The following RNF213 variants were observed in gnomAD, a reference collection of about 807,000 sequenced individuals.
RNF213 encodes E3 ubiquitin-protein ligase RNF213.
Under a neutral mutation model 514.4 loss-of-function variants are expected in RNF213, and 341 were observed. The observed-to-expected ratio is 0.66, with a 90% CI of 0.61 to 0.73. RNF213 has a LOEUF of 0.73. Ranked by LOEUF, RNF213 falls within the 30% of genes least tolerant of loss-of-function variation. The probability of loss-of-function intolerance (pLI) is 0.00; values close to 1 mark genes in which losing one functional copy is unlikely to be tolerated. For synonymous variants in RNF213, 2,655 were observed against 2,658.2 expected (o/e 1.00, Z 0.04); for missense variants, 5,767 against 6,615.6 (o/e 0.87, Z 4.45).
rs764836730 is a variant in RNF213, at chr17:80,376,303, A to G, written c.13188A>G (p.Gln4396=). The change falls in exon 52 of 68, where the codon CAA becomes CAG. Residue 4396 remains glutamine, a splice_region_variant and synonymous_variant. Coordinates refer to ENST00000582970, the MANE Select transcript of RNF213 (RefSeq NM_001256071.3). The part of the protein sequence containing the change: ...HNASLHPTPE[Q]CEAVSKFIGE... ...ATGTTAAGTTTTTTTCCTGTCAGCA[A>G]TGTGAAGCTGTGAGCAAATTCATTG... 50 of 1,614,056 alleles carry G rather than the reference A, an allele frequency of 3.1e-5. No homozygotes were observed. Among genetic ancestry groups the G allele is most frequent in the Middle Eastern group, 3.3e-4 (2 of 6,084 alleles).
At chr17:80,297,941 T>C (rs1231233108) in intron 10 of RNF213, among the ~76,000 whole-genome samples, 1 of 152,216 alleles carries the variant, frequency 6.6e-6, no homozygotes, top group Non-Finnish European at 1.5e-5. Context: ...AGTGAGACTC[T>C]GTCTCTAAAC....
Position 80,388,601 on chromosome 17 carries a change from TC to T in RNF213, c.14923-8del. On this transcript the variant is annotated splice_polypyrimidine_tract_variant and intron_variant, in intron 63 of 67. Transcript: ENST00000582970. ...TTTAATTTTAAAAAACTTTTTTCTT[TC>T]CCAATTTAGGGAATACCCACTCTGG... The T allele has an allele frequency of 5.7e-6, 9 of 1,592,428 alleles. No individual in the cohort carries two copies. Among genetic ancestry groups the T allele is most frequent in the Non-Finnish European group, 7.8e-6 (9 of 1,160,832 alleles).
intron 57 of RNF213, chr17:80,381,957 T>G: frequency 3.7e-6 from 2 of 541,314 alleles, no homozygotes; most frequent in Non-Finnish European, 6.7e-6. Flanking sequence ...AGCTGCTCTG[T>G]TCCCTCCATT....
chr17:80,398,604 A>ACCCG lies in RNF213; in HGVS notation c.*5114_*5117dup, dbSNP rs2080706263. 1 of 42,624 alleles carries ACCCG rather than the reference A, an allele frequency of 2.3e-5. No homozygotes were observed. Among genetic ancestry groups the ACCCG allele is most frequent in the Non-Finnish European group, 5.1e-5 (1 of 19,560 alleles). The allele number at this position is 42,624 out of a possible 1,614,324, so 2.6% of individuals were successfully genotyped here. On this transcript the variant is annotated 3_prime_UTR_variant, in exon 68 of 68. Coordinates refer to ENST00000582970, the MANE Select transcript of RNF213 (RefSeq NM_001256071.3). ...GGTTACAGCTGGTTTTAGACTCCCC[A>ACCCG]CCCGCCCGCCCCAACAGTGGTTGAG... is the stretch of plus-strand genomic sequence containing the variant.
intron 22 of RNF213, 48 bp from the exon 23 acceptor site, chr17:80,336,113 G>A: frequency 7.0e-7 from 1 of 1,435,794 alleles, no homozygotes; most frequent in East Asian, 2.5e-5. Context: ...CGAGTCTTGT[G>A]CTATCGTGGA....
chr17:80,363,761 C>T lies in RNF213; in HGVS notation c.11721C>T (p.Ser3907=). ...ATGAGCACATGCAAGGCAGCGGGAG[C>T]CTGGCCCAGGCTGTCATCAGGGAAG... The part of the protein sequence containing the change: ...CSDEHMQGSG[S]LAQAVIREVR... The change falls in exon 41 of 68, where the codon AGC becomes AGT. Residue 3907 remains serine (S), a synonymous_variant. Transcript: ENST00000582970. 6.2e-7 allele frequency: 1 copy of T among 1,613,652 alleles called. No individual in the cohort carries two copies. The highest frequency in any genetic ancestry group is 8.5e-7 in the Non-Finnish European group (1 of 1,180,012).
Position 80,389,320 on chromosome 17 carries a change from A to C in RNF213, c.15148A>C (p.Thr5050Pro). 1 of 1,614,192 alleles carries C rather than the reference A, an allele frequency of 6.2e-7. No homozygotes were observed. The highest frequency in any genetic ancestry group is 8.5e-7 in the Non-Finnish European group (1 of 1,180,048). ...TCCAAACATGCAGCTGAATGTGTAT[A>C]CTCAAGACATCCTGCAAATGGGTGA... ...GDPNMQLNVY[T>P]QDILQMGDQT... Residue 5050 changes from threonine to proline, a missense_variant, in exon 65 of 68, where the codon ACT (threonine) becomes CCT (proline). By Grantham distance (38) the Thr-to-Pro change is conservative. Coordinates refer to ENST00000582970, the MANE Select transcript of RNF213 (RefSeq NM_001256071.3).
intron 2 of RNF213, among the ~76,000 whole-genome samples, chr17:80,269,914 CTT>C (rs1307610551): frequency 2.6e-5 from 4 of 151,966 alleles, no homozygotes; most frequent in African/African-American, 9.7e-5. Context: ...AAGTATGTCT[CTT>C]ATTTCTGAAT....
chr17:80,362,138 C>T (rs2079079210), intron 39 of RNF213, among the ~76,000 whole-genome samples: 1 of 152,156 alleles, frequency 6.6e-6, no homozygotes, highest in South Asian at 2.1e-4. Flanking sequence ...GAGAAGACCT[C>T]CAATTTCCTT....
At chr17:80,361,510 T>C (rs1425295449) in intron 38 of RNF213, among the ~76,000 whole-genome samples, 1 of 151,882 alleles carries the variant, frequency 6.6e-6, no homozygotes, top group East Asian at 1.9e-4. Context: ...GGCAACAGAG[T>C]AAGACTCCAT....
At chr17:80,320,343 T>C (rs2046097567) in intron 17 of RNF213, 2 of 152,252 alleles carry the variant, frequency 1.3e-5, no homozygotes, top group Admixed American at 1.3e-4. Flanking sequence ...TTTTTGTTGT[T>C]GGTGGTGGTG....
chr17:80,288,569 C>T lies in RNF213; in HGVS notation c.811-64C>T. 6.2e-7 allele frequency: 1 copy of T among 1,613,722 alleles called. No individual in the cohort carries two copies. The highest frequency in any genetic ancestry group is 8.5e-7 in the Non-Finnish European group (1 of 1,179,984). The stretch of plus-strand genomic sequence containing the variant: ...CTTGTGGCAGATGCTGCCCCTTAAA[C>T]CATTGAGTCGGAGTCACCCTGGCCC... On this transcript the variant is annotated intron_variant, in intron 4 of 67. Coordinates refer to ENST00000582970, the MANE Select transcript of RNF213 (RefSeq NM_001256071.3). This position sits in a 1 kb window ranked among gnomAD's most constrained non-coding sequence, Gnocchi z 4.9.
intron 13 of RNF213, 72 bp from the exon 14 acceptor site, chr17:80,308,946 T>C: frequency 1.9e-6 from 3 of 1,571,114 alleles, no homozygotes; most frequent in Non-Finnish European, 2.6e-6. Context: ...AAGGAGCTAG[T>C]CATCAATGGT....
At position 80,332,406 on chromosome 17, in the gene RNF213, C is replaced by T; in HGVS notation, c.3918C>T (p.Ile1306=). ...TCACCCTTGCAGAGATTGATGTCAT[C>T]TTCAAGGACTTTGTGAATAAATACA... ...GEVTLAEIDV[I]FKDFVNKYTD... Residue 1306 remains isoleucine (I), a synonymous_variant, in exon 21 of 68, where the codon ATC becomes ATT. Transcript: ENST00000582970. 1 of 1,537,180 alleles carries T rather than the reference C, an allele frequency of 6.5e-7. No individual in the cohort carries two copies.
At chr17:80,279,038 C>G in intron 3 of RNF213, 1 of 1,241,472 alleles carries the variant, frequency 8.1e-7, no homozygotes, top group Non-Finnish European at 1.1e-6. Flanking sequence ...CCAGGATGGG[C>G]GTTTTCGGGT....
chr17:80,386,644 C>T (rs1343901639), intron 62 of RNF213, 46 bp from the exon 63 acceptor site: 2 of 1,597,314 alleles, frequency 1.3e-6, no homozygotes, highest in East Asian at 2.2e-5. Flanking sequence ...AGCCCTAGGC[C>T]CGCATGCCTG....
rs1417227895 is a variant in RNF213 at position 80,376,971 on chromosome 17, T to C, written c.13510+8T>C. On this transcript the variant is annotated splice_region_variant and intron_variant, in intron 53 of 67. Coordinates refer to ENST00000582970, the MANE Select transcript of RNF213 (RefSeq NM_001256071.3). The stretch of plus-strand genomic sequence containing the variant: ...AGCGAGTCCACTGGTACAGTAAGTG[T>C]TGGGGTCTAGATGACCCCACACTCC... 6.2e-7 allele frequency: 1 copy of C among 1,609,538 alleles called. No individual in the cohort carries two copies. Among genetic ancestry groups the C allele is most frequent in the Admixed American group, 1.7e-5 (1 of 59,958 alleles).
intron 8 of RNF213, among the ~76,000 whole-genome samples, chr17:80,292,207 C>T (rs1304398947): frequency 6.6e-6 from 1 of 152,152 alleles, no homozygotes; most frequent in Non-Finnish European, 1.5e-5. Flanking sequence ...GTCTCAGCCT[C>T]CCGAGTAGCT....
intron 55 of RNF213, among the ~76,000 whole-genome samples, chr17:80,380,550 A>G (rs2079950429): frequency 6.6e-6 from 1 of 152,194 alleles, no homozygotes; most frequent in Admixed American, 6.5e-5. Flanking sequence ...AGTGGAAAAG[A>G]CGGGTCCAGG....
Sources: allele counts gnomAD v4.1 joint callset (sites outside exome capture counted in the v4.1 genomes callset), GRCh38; gene constraint gnomAD v4.1.1; non-coding constraint Gnocchi (gnomAD v3.1); transcripts MANE v1.5; gene names NCBI Gene and HGNC (gene_info 2026-07-23, HGNC 2026-07-21).